The following KCNQ3 variants were observed in gnomAD, a reference collection of about 807,000 sequenced individuals.
KCNQ3 encodes the protein potassium voltage-gated channel subfamily Q member 3.
Under a neutral mutation model 92.5 loss-of-function variants are expected in KCNQ3, and 30 were observed. The observed-to-expected ratio is 0.32, with a 90% CI of 0.24 to 0.44. The LOEUF is 0.44. Ranked by LOEUF, KCNQ3 falls within the 20% of genes least tolerant of loss-of-function variation. KCNQ3 has a pLI of 1.00. For synonymous variants in KCNQ3, 450 were observed against 468.8 expected (o/e 0.96, Z 0.52); for missense variants, 913 against 1,140.3 (o/e 0.80, Z 2.87).
At chr8:132,262,482 G>C (rs558334042) in intron 1 of KCNQ3, among the ~76,000 whole-genome samples, 1 of 152,158 alleles carries the variant, frequency 6.6e-6, no homozygotes, top group Non-Finnish European at 1.5e-5. Flanking sequence ...AAGGTGTCAG[G>C]GAGGGCTTTA....
At chr8:132,225,577 C>T (rs977920440) in intron 1 of KCNQ3, among the ~76,000 whole-genome samples, 2 of 152,148 alleles carry the variant, frequency 1.3e-5, no homozygotes, top group African/African-American at 4.8e-5. Context: ...TGTGCTGCAG[C>T]CTGCTAATAC....
chr8:132,435,331 G>A (rs1007479767), intron 1 of KCNQ3, among the ~76,000 whole-genome samples: 3 of 152,182 alleles, frequency 2.0e-5, no homozygotes, highest in Admixed American at 6.5e-5. Context: ...GTCTGGGGTC[G>A]TTCCAGCAAC....
intron 8 of KCNQ3, among the ~76,000 whole-genome samples, chr8:132,169,747 A>C (rs1009780588): frequency 6.6e-6 from 1 of 152,256 alleles, no homozygotes; most frequent in Admixed American, 6.5e-5. Flanking sequence ...CCCTGGCTGC[A>C]CAGAGGAATC....
At position 132,299,093 on chromosome 8, in the gene KCNQ3, C is replaced by CT. The variant is rs1051948281; in HGVS notation, c.387-112913dup. ...CATAGGCAACCAAGGTTTTTAGTTT[C>CT]TTTTTTTTTTCTTGGTTTATAAGTA... On this transcript the variant is annotated intron_variant, in intron 1 of 14. Transcript: ENST00000388996. Among the ~76,000 whole-genome samples the CT allele has an allele frequency of 5.2e-3, 713 of 138,086 alleles. 5 individuals carry two copies. Among genetic ancestry groups the CT allele is most frequent in the African/African-American group, 0.018 (673 of 37,640 alleles). 90.6% of individuals were successfully genotyped at this position (138,086 alleles called of 152,430 possible). A position where few individuals can be genotyped will look rare whatever the true frequency, so the allele number is the denominator to read the frequency against.
intron 1 of KCNQ3, among the ~76,000 whole-genome samples, chr8:132,273,109 T>G (rs1339341734): frequency 1.3e-5 from 2 of 152,180 alleles, no homozygotes; most frequent in African/African-American, 4.8e-5. Flanking sequence ...GGTGCCCCAG[T>G]AGGAACTCTA....
intron 9 of KCNQ3, among the ~76,000 whole-genome samples, chr8:132,150,073 CTTT>C (rs3048520): frequency 3.7e-4 from 55 of 147,436 alleles, no homozygotes; most frequent in Admixed American, 4.0e-4. Context: ...TTAAACAAAG[CTTT>C]TTTTTTTTTT....
At chr8:132,476,438 A>G (rs769166297) in intron 1 of KCNQ3, among the ~76,000 whole-genome samples, 4 of 152,254 alleles carry the variant, frequency 2.6e-5, no homozygotes, top group African/African-American at 7.2e-5. Flanking sequence ...TGAACCCTGT[A>G]GAGTCACAAG....
chr8:132,394,659 G>T (rs1431433027), intron 1 of KCNQ3, among the ~76,000 whole-genome samples: 1 of 152,058 alleles, frequency 6.6e-6, no homozygotes, highest in Non-Finnish European at 1.5e-5. Flanking sequence ...TATTATCAAT[G>T]ATGACAATGG....
intron 1 of KCNQ3, among the ~76,000 whole-genome samples, chr8:132,450,522 T>A (rs1821796745): frequency 6.6e-6 from 1 of 151,932 alleles, no homozygotes; most frequent in Non-Finnish European, 1.5e-5. Context: ...GCCAACACCT[T>A]CCCCCTCCCC....
At chr8:132,134,042 G>A (rs1018379778) in intron 13 of KCNQ3, among the ~76,000 whole-genome samples, 1 of 152,190 alleles carries the variant, frequency 6.6e-6, no homozygotes, top group Non-Finnish European at 1.5e-5. Flanking sequence ...AACAGGTGGG[G>A]CTATTATCAC....
intron 1 of KCNQ3, among the ~76,000 whole-genome samples, chr8:132,311,637 T>C (rs557324114): frequency 2.8e-4 from 43 of 152,348 alleles, no homozygotes; most frequent in Middle Eastern, 3.4e-3. Context: ...ATTTGAAGAA[T>C]TCACATATGT....
At chr8:132,214,376 C>A (rs1378199024) in intron 1 of KCNQ3, among the ~76,000 whole-genome samples, 1 of 152,198 alleles carries the variant, frequency 6.6e-6, no homozygotes, top group Non-Finnish European at 1.5e-5. Flanking sequence ...TCCTTCTTCT[C>A]AACTTCCTTC....
rs531732311 is a variant in KCNQ3, at chr8:132,300,904, G to A, written c.387-114723C>T. ...TGATGAATGAGCAGTTTGTCATGCCGAAAGCAATTACGAGGGTTCACTAGC... is the reference window on the plus strand; with the variant it reads ...TGATGAATGAGCAGTTTGTCATGCCAAAAGCAATTACGAGGGTTCACTAGC... On this transcript the variant is annotated intron_variant, in intron 1 of 14. Coordinates refer to ENST00000388996, the MANE Select transcript of KCNQ3 (RefSeq NM_004519.4). 3.9e-5 allele frequency among the ~76,000 whole-genome samples: 6 copies of A among 152,258 alleles called. No homozygotes were observed. The South Asian group carries it at 8.3e-4, about 21-fold the overall frequency.
intron 1 of KCNQ3, among the ~76,000 whole-genome samples, chr8:132,374,862 C>G (rs1819568376): frequency 6.6e-6 from 1 of 152,168 alleles, no homozygotes; most frequent in African/African-American, 2.4e-5. Context: ...TGATCTCATT[C>G]TTTTTTATGG....
At chr8:132,457,059 C>T (rs772341854) in intron 1 of KCNQ3, among the ~76,000 whole-genome samples, 1 of 151,902 alleles carries the variant, frequency 6.6e-6, no homozygotes, top group African/African-American at 2.4e-5. Context: ...TAGGCAGTCA[C>T]GGCCTTTAGA....
At chr8:132,449,845 G>C (rs1332874797) in intron 1 of KCNQ3, among the ~76,000 whole-genome samples, 2 of 152,156 alleles carry the variant, frequency 1.3e-5, no homozygotes, top group Non-Finnish European at 2.9e-5. Context: ...AGGCCTTAAA[G>C]TTTTACAAAC....
chr8:132,360,255 T>G (rs1330028065), intron 1 of KCNQ3, among the ~76,000 whole-genome samples: 1 of 152,206 alleles, frequency 6.6e-6, no homozygotes, highest in Non-Finnish European at 1.5e-5. Context: ...CAGCTGTTCT[T>G]GAAGTCAGCC....
At chr8:132,295,188 C>T (rs781143095) in intron 1 of KCNQ3, among the ~76,000 whole-genome samples, 9 of 152,126 alleles carry the variant, frequency 5.9e-5, no homozygotes, top group Non-Finnish European at 1.2e-4. Flanking sequence ...AACAAATTTA[C>T]AAGAAAATAA....
At chr8:132,393,989 C>T (rs1820119968) in intron 1 of KCNQ3, among the ~76,000 whole-genome samples, 1 of 152,200 alleles carries the variant, frequency 6.6e-6, no homozygotes, top group African/African-American at 2.4e-5. Flanking sequence ...TGTGCCCTTG[C>T]TGTGCTCAGT....
Sources: allele counts gnomAD v4.1 joint callset (sites outside exome capture counted in the v4.1 genomes callset), GRCh38; gene constraint gnomAD v4.1.1; transcripts MANE v1.5; gene names NCBI Gene and HGNC (gene_info 2026-07-23, HGNC 2026-07-21).